MGMT: variants seen among roughly 807,000 people sequenced by gnomAD.
MGMT encodes methylated-DNA--protein-cysteine methyltransferase.
In MGMT, 14 loss-of-function variants were observed where a neutral mutation model predicts 15.9. The ratio of observed to expected loss-of-function variants is 0.88; its 90% CI spans 0.58 to 1.37. MGMT has a LOEUF of 1.37. Among genes scored for constraint, MGMT ranks in the 40% most tolerant of loss-of-function variants. The pLI is 0.00. For synonymous variants in MGMT, 130 were observed against 118.2 expected, an observed-to-expected ratio of 1.10 and a Z score of -0.65; for missense variants, 282 against 268.1, an observed-to-expected ratio of 1.05 and a Z score of -0.36.
At chr10:129,618,268 A>G (rs1468282780) in intron 2 of MGMT, among the ~76,000 whole-genome samples, 1 of 152,126 alleles carries the variant, frequency 6.6e-6, no homozygotes, top group Non-Finnish European at 1.5e-5. Context: ...CAAAGTTTAG[A>G]GTGCTGGCAA....
At chr10:129,570,324 G>A (rs1846402596) in intron 2 of MGMT, among the ~76,000 whole-genome samples, 1 of 152,246 alleles carries the variant, frequency 6.6e-6, no homozygotes, top group African/African-American at 2.4e-5. Context: ...GCAGCACCCG[G>A]GTTCCACCCG....
intron 2 of MGMT, among the ~76,000 whole-genome samples, chr10:129,672,053 TGCCA>T (rs1847730725): frequency 6.6e-6 from 1 of 152,270 alleles, no homozygotes; most frequent in Non-Finnish European, 1.5e-5. Context: ...TGTTTTGGAA[TGCCA>T]GCTAAACATT....
Position 129,759,342 on chromosome 10 carries a change from G to A in MGMT, c.414+1G>A, listed in dbSNP as rs768103032. The stretch of plus-strand genomic sequence containing the variant: ...GGGAGGAGCAATGAGAGGCAATCCT[G>A]TGAGTTCTCATGGCGCAAGCATGGC... On this transcript the variant is annotated splice_donor_variant, in intron 4 of 4. Coordinates refer to ENST00000651593, the MANE Select transcript of MGMT (RefSeq NM_002412.5). LOFTEE classifies it high-confidence loss of function. 1 of 1,614,180 alleles carries A rather than the reference G, an allele frequency of 6.2e-7. No homozygotes were observed. Among genetic ancestry groups the A allele is most frequent in the Non-Finnish European group, 8.5e-7 (1 of 1,180,024 alleles).
chr10:129,737,904 T>C (rs1344614117), intron 3 of MGMT, among the ~76,000 whole-genome samples: 1 of 152,222 alleles, frequency 6.6e-6, no homozygotes, highest in Non-Finnish European at 1.5e-5. Context: ...GGAGGCAGTC[T>C]GCCCGTTCTC....
At chr10:129,548,740 T>TC (rs1385706353) in intron 2 of MGMT, among the ~76,000 whole-genome samples, 2 of 152,038 alleles carry the variant, frequency 1.3e-5, no homozygotes, top group Non-Finnish European at 2.9e-5. Context: ...CCTGCAGCTT[T>TC]CGGGGGGGTG....
chr10:129,564,798 T>G (rs1846334815), intron 2 of MGMT, among the ~76,000 whole-genome samples: 1 of 151,590 alleles, frequency 6.6e-6, no homozygotes, highest in African/African-American at 2.4e-5. Context: ...CCTCAGCCTC[T>G]TTTCTGGGGA....
chr10:129,528,998 G>A (rs573029271), intron 1 of MGMT, among the ~76,000 whole-genome samples: 10 of 152,238 alleles, frequency 6.6e-5, no homozygotes, highest in African/African-American at 2.4e-4. Context: ...GGAAAATAAG[G>A]CAGAGAAAGA....
At chr10:129,555,997 G>A (rs1020251965) in intron 2 of MGMT, among the ~76,000 whole-genome samples, 7 of 152,186 alleles carry the variant, frequency 4.6e-5, no homozygotes, top group African/African-American at 1.7e-4. Flanking sequence ...CCAGGGAGCT[G>A]TCGAGGGGCT....
rs1453911116 is a variant in MGMT, at chr10:129,659,879, C to T, written c.126-48016C>T. 4.6e-5 allele frequency among the ~76,000 whole-genome samples: 7 copies of T among 152,184 alleles called. No homozygotes were observed. Among genetic ancestry groups the T allele is most frequent in the South Asian group, 2.1e-4 (1 of 4,832 alleles). On this transcript the variant is annotated intron_variant, in intron 2 of 4. Coordinates refer to ENST00000651593, the MANE Select transcript of MGMT (RefSeq NM_002412.5). This position sits in a 1 kb window ranked among gnomAD's most constrained non-coding sequence, Gnocchi z 4.1. ...TGATGTTTGGGCACGGGCGACAGGA[C>T]GTAGGGTGGTCATCCGAATATCCCT...
intron 3 of MGMT, among the ~76,000 whole-genome samples, chr10:129,731,783 G>A (rs773851354): frequency 1.3e-5 from 2 of 152,200 alleles, no homozygotes; most frequent in Admixed American, 6.5e-5. Flanking sequence ...CTGGAAATGA[G>A]TTTTCCAAGA....
chr10:129,639,103 A>G (rs916268440), intron 2 of MGMT, among the ~76,000 whole-genome samples: 5 of 152,180 alleles, frequency 3.3e-5, no homozygotes. Context: ...AATGAACAGA[A>G]TAAACCTTTT....
At chr10:129,560,655 C>T (rs1846265953) in intron 2 of MGMT, among the ~76,000 whole-genome samples, 1 of 152,162 alleles carries the variant, frequency 6.6e-6, no homozygotes, top group African/African-American at 2.4e-5. Flanking sequence ...TATTTATGTG[C>T]CCTGACAATT....
intron 2 of MGMT, among the ~76,000 whole-genome samples, chr10:129,554,898 T>C (rs888456878): frequency 6.6e-6 from 1 of 152,196 alleles, no homozygotes; most frequent in Non-Finnish European, 1.5e-5. Flanking sequence ...CTAACTCCTC[T>C]ACTTTACAGC....
intron 2 of MGMT, among the ~76,000 whole-genome samples, chr10:129,681,015 T>A (rs1203638790): frequency 6.6e-6 from 1 of 152,208 alleles, no homozygotes. Context: ...CCTCTGAAAC[T>A]GCTCCCACCA....
Position 129,603,031 on chromosome 10 carries a change from A to G in MGMT, c.125+66654A>G, listed in dbSNP as rs546567374. 2.0e-5 allele frequency among the ~76,000 whole-genome samples: 3 copies of G among 152,336 alleles called. No individual in the cohort carries two copies. The South Asian group carries it at 6.2e-4, about 32-fold the overall frequency. ...AACCTATGTCACAGTCTCTCCCAAA[A>G]TTTATTATAATGCCCTTGTTATAAA... On this transcript the variant is annotated intron_variant, in intron 2 of 4. Coordinates refer to ENST00000651593, the MANE Select transcript of MGMT (RefSeq NM_002412.5).
Position 129,728,185 on chromosome 10 carries a change from C to T in MGMT, c.274+20142C>T, listed in dbSNP as rs190060608. On this transcript the variant is annotated intron_variant, in intron 3 of 4. Coordinates refer to ENST00000651593, the MANE Select transcript of MGMT (RefSeq NM_002412.5). ...AAGGGGGACCTGAAGCAGCTGTGAC[C>T]GTGGATGGCAGGGAAAAGAAGAAGA... Among the ~76,000 whole-genome samples, 109 of 152,156 alleles carry T rather than the reference C, an allele frequency of 7.2e-4. 1 individual carries two copies. Among genetic ancestry groups the T allele is most frequent in the African/African-American group, 2.4e-3 (99 of 41,512 alleles).
At chr10:129,519,128 G>A (rs963769756) in intron 1 of MGMT, among the ~76,000 whole-genome samples, 1 of 152,190 alleles carries the variant, frequency 6.6e-6, no homozygotes, top group African/African-American at 2.4e-5. Context: ...TTAAGACTCG[G>A]AGACTACCAA....
intron 2 of MGMT, among the ~76,000 whole-genome samples, chr10:129,550,414 C>G (rs1014931464): frequency 2.1e-4 from 32 of 151,554 alleles, no homozygotes; most frequent in Admixed American, 5.9e-4. Context: ...GCCATCACCA[C>G]CACCCAGCAC....
At chr10:129,661,953 C>T (rs1263120711) in intron 2 of MGMT, among the ~76,000 whole-genome samples, 1 of 152,300 alleles carries the variant, frequency 6.6e-6, no homozygotes, top group East Asian at 1.9e-4. Context: ...GAAATGTCCC[C>T]TTCATCTTAT....
Sources: allele counts gnomAD v4.1 joint callset (sites outside exome capture counted in the v4.1 genomes callset), GRCh38; gene constraint gnomAD v4.1.1; non-coding constraint Gnocchi (gnomAD v3.1); transcripts MANE v1.5; gene names NCBI Gene and HGNC (gene_info 2026-07-23, HGNC 2026-07-21).